The following GBE1 variants were observed in gnomAD, a reference collection of about 807,000 sequenced individuals.
GBE1 encodes the protein 1,4-alpha-glucan branching enzyme 1.
GBE1 carries 70 observed loss-of-function variants against 88.8 expected under a neutral mutation model. The ratio of observed to expected loss-of-function variants is 0.79; its 90% CI spans 0.65 to 0.96. The LOEUF is 0.96. GBE1 is among the 40% of genes least tolerant of loss of function. The pLI, the probability that GBE1 is intolerant of heterozygous loss-of-function variation, is 0.00. For synonymous variants in GBE1, 284 were observed against 300.1 expected (o/e 0.95, Z 0.56); for missense variants, 872 against 871.0 (o/e 1.00, Z -0.01).
intron 7 of GBE1, among the ~76,000 whole-genome samples, chr3:81,602,622 A>C (rs1361106833): frequency 6.6e-6 from 1 of 152,110 alleles, no homozygotes; most frequent in Non-Finnish European, 1.5e-5. Context: ...CAGAGCGTGG[A>C]GCCCTCCCAA....
At chr3:81,745,177 T>C (rs987812512) in intron 1 of GBE1, among the ~76,000 whole-genome samples, 3 of 152,172 alleles carry the variant, frequency 2.0e-5, no homozygotes, top group Non-Finnish European at 4.4e-5. Context: ...GTAAAACTCA[T>C]AGTACAGATG....
intron 12 of GBE1, among the ~76,000 whole-genome samples, chr3:81,538,655 A>T (rs2106874530): frequency 6.6e-6 from 1 of 152,106 alleles, no homozygotes; most frequent in East Asian, 1.9e-4. Context: ...TCAACCATGA[A>T]ACTAGCAAAA....
chr3:81,656,396 A>G (rs1704939895), intron 3 of GBE1, among the ~76,000 whole-genome samples: 1 of 152,154 alleles, frequency 6.6e-6, no homozygotes, highest in Non-Finnish European at 1.5e-5. Context: ...GAAGCTGAAA[A>G]TGTCATGGAA....
intron 1 of GBE1, among the ~76,000 whole-genome samples, chr3:81,712,982 T>C (rs553748188): frequency 6.6e-6 from 1 of 152,310 alleles, no homozygotes; most frequent in South Asian, 2.1e-4. Flanking sequence ...TATTTTATGT[T>C]CCTCAATCAG....
chr3:81,536,236 C>G (rs1176132880), intron 13 of GBE1, among the ~76,000 whole-genome samples: 1 of 151,038 alleles, frequency 6.6e-6, no homozygotes, highest in Non-Finnish European at 1.5e-5. Flanking sequence ...TCATAGACAC[C>G]AAAGTAAAAA....
At chr3:81,638,070 A>G (rs1704615649) in intron 7 of GBE1, among the ~76,000 whole-genome samples, 1 of 152,074 alleles carries the variant, frequency 6.6e-6, no homozygotes, top group East Asian at 1.9e-4. Flanking sequence ...ACTTGTAGAA[A>G]ATGCCCACCA....
intron 12 of GBE1, among the ~76,000 whole-genome samples, chr3:81,539,024 G>A (rs894081156): frequency 2.1e-4 from 32 of 151,992 alleles, no homozygotes; most frequent in African/African-American, 7.5e-4. Context: ...TATGTGCCAG[G>A]CACGATTGTA....
chr3:81,573,479 T>C (rs534691679), intron 12 of GBE1, among the ~76,000 whole-genome samples: 4 of 152,318 alleles, frequency 2.6e-5, no homozygotes, highest in Non-Finnish European at 5.9e-5. Context: ...TCACTGAACC[T>C]AGTGCATGCA....
At chr3:81,658,596 T>C (rs779837422) in intron 3 of GBE1, among the ~76,000 whole-genome samples, 3 of 152,170 alleles carry the variant, frequency 2.0e-5, no homozygotes, top group Non-Finnish European at 2.9e-5. Context: ...CCCCCAAGGT[T>C]TATACCCTAG....
At chr3:81,739,120 A>T (rs992706331) in intron 1 of GBE1, among the ~76,000 whole-genome samples, 3 of 152,116 alleles carry the variant, frequency 2.0e-5, no homozygotes, top group Non-Finnish European at 2.9e-5. Flanking sequence ...CAGGATCTAA[A>T]CACCGCTCAA....
intron 3 of GBE1, among the ~76,000 whole-genome samples, chr3:81,662,022 C>A (rs1282065455): frequency 6.6e-6 from 1 of 151,974 alleles, no homozygotes; most frequent in East Asian, 1.9e-4. Flanking sequence ...CTAATTTATT[C>A]ATTTTTTTAA....
chr3:81,722,917 C>CATATATATATATATAT (rs1252491639), intron 1 of GBE1, among the ~76,000 whole-genome samples: 3 of 113,642 alleles, frequency 2.6e-5, no homozygotes, highest in Admixed American at 2.6e-4. Context: ...TATATATATA[C>CATATATATATATATAT]ACACAAGTAA....
chr3:81,558,641 G>C (rs981806301), intron 12 of GBE1, among the ~76,000 whole-genome samples: 5 of 151,996 alleles, frequency 3.3e-5, no homozygotes, highest in African/African-American at 1.2e-4. Context: ...AGTCTTGTGT[G>C]TACCCAAGGT....
rs1210810003 is a variant in GBE1 at position 81,494,744 on chromosome 3, AAG to A, written c.2053-4283_2053-4282del. 1.3e-5 allele frequency among the ~76,000 whole-genome samples: 2 copies of A among 152,196 alleles called. 1 individual carries two copies. The highest frequency in any genetic ancestry group is 4.1e-4 in the South Asian group (2 of 4,836). ...CACAGTACAATCCAATTCATTTATG[AAG>A]AGAGTCAAATGCATGCTAATCTACT... On this transcript the variant is annotated intron_variant, in intron 15 of 15. Transcript: ENST00000429644.
At chr3:81,723,011 T>G (rs1395201306) in intron 1 of GBE1, among the ~76,000 whole-genome samples, 1 of 150,942 alleles carries the variant, frequency 6.6e-6, no homozygotes, top group African/African-American at 2.4e-5. Context: ...TAATCAGATA[T>G]CTAACAATAG....
intron 2 of GBE1, among the ~76,000 whole-genome samples, chr3:81,687,332 G>A (rs913456246): frequency 6.6e-6 from 1 of 152,156 alleles, no homozygotes; most frequent in South Asian, 2.1e-4. Flanking sequence ...TATTAAGGAC[G>A]CAAAAGAAAA....
chr3:81,623,932 A>T (rs917050992), intron 7 of GBE1, among the ~76,000 whole-genome samples: 3 of 152,106 alleles, frequency 2.0e-5, no homozygotes, highest in Admixed American at 2.0e-4. Flanking sequence ...TGGCCTCCCA[A>T]AGTACGAAAA....
chr3:81,705,384 T>C, intron 2 of GBE1, 60 bp downstream of exon 2: 2 of 1,162,750 alleles, frequency 1.7e-6, no homozygotes, highest in Non-Finnish European at 2.4e-6. Context: ...ATATAAGAAA[T>C]ATATGTATTA....
chr3:81,554,093 C>T (rs1331140933), intron 12 of GBE1, among the ~76,000 whole-genome samples: 1 of 152,094 alleles, frequency 6.6e-6, no homozygotes, highest in Non-Finnish European at 1.5e-5. Context: ...TGGGCTTTCA[C>T]CAGTCATTTT....
Sources: gnomAD v4.1 joint callset for allele counts (sites outside exome capture counted in the v4.1 genomes callset) on GRCh38, gnomAD v4.1.1 for gene constraint, MANE v1.5 for transcripts, NCBI Gene and HGNC (gene_info 2026-07-23, HGNC 2026-07-21) for gene names.